TPH2: variants seen among roughly 807,000 people sequenced by gnomAD.
TPH2 encodes tryptophan 5-hydroxylase 2.
Under a neutral mutation model 59.1 loss-of-function variants are expected in TPH2, and 27 were observed. That is an observed-to-expected ratio of 0.46 (90% CI 0.34 to 0.63). The LOEUF is 0.63. Ranked by LOEUF, TPH2 falls within the 30% of genes least tolerant of loss-of-function variation. The pLI is 0.01. For missense variants in TPH2, 523 were observed against 588.3 expected, an observed-to-expected ratio of 0.89 and a Z score of 1.15; for synonymous variants, 220 against 210.5, an observed-to-expected ratio of 1.05 and a Z score of -0.39.
At chr12:71,992,599 G>A (rs561385024) in intron 7 of TPH2, among the ~76,000 whole-genome samples, 12 of 150,866 alleles carry the variant, frequency 8.0e-5, no homozygotes, top group African/African-American at 2.9e-4. Context: ...GGGAGACCCT[G>A]ATTAAAAAAA....
chr12:71,968,027 T>C (rs984530479), intron 5 of TPH2, among the ~76,000 whole-genome samples: 21 of 152,166 alleles, frequency 1.4e-4, no homozygotes, highest in African/African-American at 4.8e-4. Context: ...CTATTTCTTC[T>C]AGAGTTGGGG....
At chr12:71,964,887 T>C (rs371101870) in intron 5 of TPH2, 5 of 350,662 alleles carry the variant, frequency 1.4e-5, no homozygotes, top group Non-Finnish European at 2.0e-5. Context: ...ATCACCCAGG[T>C]GTTAAGCCTA....
At chr12:72,029,740 G>C (rs1034651021) in intron 9 of TPH2, among the ~76,000 whole-genome samples, 2 of 152,106 alleles carry the variant, frequency 1.3e-5, no homozygotes, top group Non-Finnish European at 1.5e-5. Flanking sequence ...CATTTATCTG[G>C]ACAATGGAAC....
intron 5 of TPH2, chr12:71,961,511 T>C: frequency 7.4e-7 from 1 of 1,350,128 alleles, no homozygotes; most frequent in Non-Finnish European, 9.8e-7. Flanking sequence ...ATGTATCTGA[T>C]TAAATCTGTG....
chr12:72,023,083 G>A (rs1352867301), intron 9 of TPH2, among the ~76,000 whole-genome samples: 2 of 151,766 alleles, frequency 1.3e-5, no homozygotes, highest in Non-Finnish European at 2.9e-5. Flanking sequence ...ACAATAAAAT[G>A]GTCACTTTTT....
intron 9 of TPH2, among the ~76,000 whole-genome samples, chr12:72,028,027 T>C (rs749517146): frequency 2.4e-4 from 36 of 152,214 alleles, no homozygotes; most frequent in Non-Finnish European, 4.3e-4. Flanking sequence ...CCAAGTCTCC[T>C]GGTTCCCAGC....
In TPH2 at chr12:71,944,382, G is replaced by A. The variant is rs1401727349; in HGVS notation, c.344G>A (p.Gly115Glu). 6.2e-7 allele frequency: 1 copy of A among 1,613,882 alleles called. No individual in the cohort carries two copies. Among genetic ancestry groups the A allele is most frequent in the Admixed American group, 1.7e-5 (1 of 59,984 alleles). ...EVEIFVDCEC[G>E]KTEFNELIQL... ...GAAATCTTTGTGGACTGTGAGTGTG[G>A]GAAAACAGAATTCAATGAGCTCATT... Residue 115 changes from glycine to glutamate, a missense_variant, in exon 3 of 11, where the codon GGG becomes GAG. Gly to Glu is a moderately conservative substitution (Grantham distance 98). Coordinates refer to ENST00000333850, the MANE Select transcript of TPH2 (RefSeq NM_173353.4).
At chr12:71,950,968 G>A (rs1871328890) in intron 5 of TPH2, among the ~76,000 whole-genome samples, 4 of 152,142 alleles carry the variant, frequency 2.6e-5, no homozygotes, top group South Asian at 4.2e-4. Context: ...CTTTCTCCAC[G>A]ACATTTAGGA....
At chr12:71,977,682 A>G (rs1592395317) in intron 6 of TPH2, among the ~76,000 whole-genome samples, 1 of 152,192 alleles carries the variant, frequency 6.6e-6, no homozygotes, top group Non-Finnish European at 1.5e-5. Flanking sequence ...GAAGGAAATG[A>G]TGTTATTCTG....
rs1201344273 is a variant in TPH2, at chr12:72,031,574, C to A, written c.1352C>A (p.Thr451Lys). ...RPFSVYFNPY[T>K]QSIEILKDTR... Reference sequence around the variant, plus strand: ...TTCTCAGTATACTTCAATCCCTACACACAGAGTATTGAAATTCTGAAAGAC... The same window carrying A: ...TTCTCAGTATACTTCAATCCCTACAAACAGAGTATTGAAATTCTGAAAGAC... Residue 451 changes from threonine (T) to lysine (K), a missense_variant, in exon 11 of 11, where the codon ACA becomes AAA. By Grantham distance (78) the Thr-to-Lys change is moderately conservative. Transcript: ENST00000333850. The A allele has an allele frequency of 6.2e-7, 1 of 1,613,674 alleles. No homozygotes were observed. Among genetic ancestry groups the A allele is most frequent in the East Asian group, 2.2e-5 (1 of 44,880 alleles).
intron 5 of TPH2, among the ~76,000 whole-genome samples, chr12:71,967,729 T>C (rs1871857599): frequency 6.6e-6 from 1 of 152,234 alleles, no homozygotes; most frequent in African/African-American, 2.4e-5. Context: ...AAAATGGTTT[T>C]ATTTTTCCCA....
intron 8 of TPH2, among the ~76,000 whole-genome samples, chr12:72,016,861 T>C (rs1566166151): frequency 6.6e-6 from 1 of 152,174 alleles, no homozygotes; most frequent in Non-Finnish European, 1.5e-5. Flanking sequence ...GAAGTTTATA[T>C]GTATCATTTT....
At chr12:71,988,373 T>A (rs1304384531) in intron 7 of TPH2, among the ~76,000 whole-genome samples, 1 of 152,152 alleles carries the variant, frequency 6.6e-6, no homozygotes, top group Non-Finnish European at 1.5e-5. Context: ...AGGGGTTTAA[T>A]TGGCTCGCGG....
At chr12:71,977,350 C>T (rs1488035076) in intron 6 of TPH2, among the ~76,000 whole-genome samples, 2 of 152,032 alleles carry the variant, frequency 1.3e-5, no homozygotes, top group African/African-American at 4.8e-5. Flanking sequence ...AGCCACAGTG[C>T]CTGGTAATCT....
intron 5 of TPH2, among the ~76,000 whole-genome samples, chr12:71,954,394 C>T (rs1053573506): frequency 1.3e-5 from 2 of 152,142 alleles, no homozygotes; most frequent in Non-Finnish European, 2.9e-5. Flanking sequence ...CGCCCTGTAT[C>T]GAGAGGACAC....
chr12:72,017,182 A>G (rs547629179), intron 8 of TPH2, among the ~76,000 whole-genome samples: 14 of 152,304 alleles, frequency 9.2e-5, no homozygotes, highest in African/African-American at 3.4e-4. Flanking sequence ...TGGTCCCTTC[A>G]AGCTTTTGCC....
chr12:71,979,595 A>G (rs1202709360), intron 7 of TPH2, among the ~76,000 whole-genome samples: 1 of 152,152 alleles, frequency 6.6e-6, no homozygotes, highest in Non-Finnish European at 1.5e-5. Context: ...ACCTCCAGAT[A>G]TAGATGAGGT....
At position 71,971,614 on chromosome 12, in the gene TPH2, A is replaced by G. The variant is rs115394673; in HGVS notation, c.609-905A>G. 8.9e-3 allele frequency among the ~76,000 whole-genome samples: 1,361 copies of G among 152,254 alleles called. 26 individuals are homozygous for G. Among genetic ancestry groups the G allele is most frequent in the African/African-American group, 0.031 (1,297 of 41,564 alleles). ...TTCTCCTGACTTTCTTTTTGTCGGAACCTGCAGGTCTTTACCTGGCCAAGA... is the reference window on the plus strand; with the variant it reads ...TTCTCCTGACTTTCTTTTTGTCGGAGCCTGCAGGTCTTTACCTGGCCAAGA... On this transcript the variant is annotated intron_variant, in intron 5 of 10. Transcript: ENST00000333850.
intron 8 of TPH2, among the ~76,000 whole-genome samples, chr12:72,018,862 G>A (rs1173499998): frequency 1.3e-5 from 2 of 152,164 alleles, no homozygotes; most frequent in Non-Finnish European, 2.9e-5. Context: ...TTTAAAATGT[G>A]ACAGATGTTG....
Sources: allele counts gnomAD v4.1 joint callset (sites outside exome capture counted in the v4.1 genomes callset), GRCh38; gene constraint gnomAD v4.1.1; transcripts MANE v1.5; gene names NCBI Gene and HGNC (gene_info 2026-07-23, HGNC 2026-07-21).